The following CSMD1 variants were observed in gnomAD, a reference collection of about 807,000 sequenced individuals.
CSMD1 encodes the protein CUB and sushi domain-containing protein 1.
CSMD1 carries 213 observed loss-of-function variants against 417.5 expected under a neutral mutation model. That is an observed-to-expected ratio of 0.51 (90% CI 0.46 to 0.57). The LOEUF (loss-of-function observed/expected upper bound fraction) is 0.57. Ranked by LOEUF, CSMD1 falls within the 20% of genes least tolerant of loss-of-function variation. The pLI is 0.00. For missense variants in CSMD1, 6,923 were observed against 4,529.7 expected (o/e 1.53, Z -15.17); for synonymous variants, 2,862 against 1,736.8 (o/e 1.65, Z -16.11).
chr8:4,757,640 A>G (rs1446961009), intron 1 of CSMD1, among the ~76,000 whole-genome samples: 1 of 152,168 alleles, frequency 6.6e-6, no homozygotes, highest in African/African-American at 2.4e-5. Flanking sequence ...AGCTTTTATG[A>G]ATAACACATC....
intron 4 of CSMD1, among the ~76,000 whole-genome samples, chr8:4,009,189 T>A (rs1030937227): frequency 1.3e-5 from 2 of 152,184 alleles, no homozygotes; most frequent in Non-Finnish European, 2.9e-5. Flanking sequence ...TTTCTGTAGG[T>A]TGGGAAAATA....
chr8:4,296,651 T>C (rs1486158049), intron 3 of CSMD1, among the ~76,000 whole-genome samples: 2 of 151,416 alleles, frequency 1.3e-5, no homozygotes, highest in Admixed American at 1.3e-4. Context: ...TTAACTCGTA[T>C]GTGGAGGTCC....
intron 3 of CSMD1, among the ~76,000 whole-genome samples, chr8:4,033,298 C>T (rs539646704): frequency 1.2e-4 from 18 of 151,928 alleles, no homozygotes; most frequent in East Asian, 5.8e-4. Flanking sequence ...AAAAATTAGC[C>T]GGGCGTGGTG....
chr8:3,503,100 C>A (rs1008520122), intron 10 of CSMD1, among the ~76,000 whole-genome samples: 3 of 152,282 alleles, frequency 2.0e-5, no homozygotes, highest in African/African-American at 7.2e-5. Context: ...GCTTTTATAT[C>A]TGTATGCAAC....
At chr8:4,882,897 T>C (rs1316151223) in intron 1 of CSMD1, among the ~76,000 whole-genome samples, 1 of 152,064 alleles carries the variant, frequency 6.6e-6, no homozygotes, top group Non-Finnish European at 1.5e-5. Context: ...GAGCAAGTCC[T>C]AGATTTCTTC....
At chr8:4,988,889 C>T (rs1242044035) in intron 1 of CSMD1, among the ~76,000 whole-genome samples, 1 of 152,020 alleles carries the variant, frequency 6.6e-6, no homozygotes, top group South Asian at 2.1e-4. Flanking sequence ...TTTCAGCTGG[C>T]TCAATTATAC....
chr8:3,182,474 C>A (rs1006482291), intron 36 of CSMD1, among the ~76,000 whole-genome samples: 2 of 152,110 alleles, frequency 1.3e-5, no homozygotes, highest in Non-Finnish European at 2.9e-5. Context: ...CTCGGCCTCC[C>A]AAAGTCCTGG....
intron 1 of CSMD1, among the ~76,000 whole-genome samples, chr8:4,939,949 T>TA (rs1473306596): frequency 2.0e-5 from 3 of 152,110 alleles, no homozygotes; most frequent in Admixed American, 1.3e-4. Flanking sequence ...AATATAAATT[T>TA]AAAAAAAGAT....
intron 2 of CSMD1, among the ~76,000 whole-genome samples, chr8:4,428,591 C>G (rs1198459964): frequency 6.6e-6 from 1 of 152,048 alleles, no homozygotes; most frequent in South Asian, 2.1e-4. Flanking sequence ...ATGACACTTT[C>G]AGTAATACTA....
intron 2 of CSMD1, among the ~76,000 whole-genome samples, chr8:4,636,164 T>C (rs1802801263): frequency 6.6e-6 from 1 of 152,122 alleles, no homozygotes; most frequent in African/African-American, 2.4e-5. Context: ...TGTGTATTAC[T>C]GTTGGCATTA....
intron 2 of CSMD1, among the ~76,000 whole-genome samples, chr8:4,520,408 C>T (rs1329308395): frequency 2.0e-5 from 3 of 152,076 alleles, no homozygotes; most frequent in Non-Finnish European, 2.9e-5. Context: ...TAGCTGGTAG[C>T]AAAATCATGT....
At chr8:3,989,082 C>G (rs1025521139) in intron 5 of CSMD1, among the ~76,000 whole-genome samples, 3 of 152,148 alleles carry the variant, frequency 2.0e-5, no homozygotes, top group African/African-American at 7.2e-5. Flanking sequence ...CTCTATGGCA[C>G]TGTTTCTTAC....
At chr8:3,580,809 G>C (rs1800350224) in intron 9 of CSMD1, among the ~76,000 whole-genome samples, 1 of 152,074 alleles carries the variant, frequency 6.6e-6, no homozygotes, top group Non-Finnish European at 1.5e-5. Context: ...TCATCTTTCG[G>C]GGTAAATGAT....
At chr8:4,833,848 G>A (rs1263345545) in intron 1 of CSMD1, among the ~76,000 whole-genome samples, 1 of 152,194 alleles carries the variant, frequency 6.6e-6, no homozygotes. Flanking sequence ...GGCTACGTTG[G>A]CTAGCTCTGT....
intron 57 of CSMD1, among the ~76,000 whole-genome samples, chr8:2,971,898 A>C (rs1222250361): frequency 6.6e-6 from 1 of 152,148 alleles, no homozygotes; most frequent in Non-Finnish European, 1.5e-5. Context: ...TACTACTTTG[A>C]TTGTCAAGAG....
At chr8:4,601,107 C>T (rs185627342) in intron 2 of CSMD1, among the ~76,000 whole-genome samples, 1 of 152,108 alleles carries the variant, frequency 6.6e-6, no homozygotes, top group South Asian at 2.1e-4. Flanking sequence ...CAGGCATGCG[C>T]CACCACGCCT....
At chr8:3,843,054 A>T (rs1297347320) in intron 5 of CSMD1, among the ~76,000 whole-genome samples, 1 of 152,150 alleles carries the variant, frequency 6.6e-6, no homozygotes, top group African/African-American at 2.4e-5. Context: ...CACATGATAA[A>T]TGTTGTAATG....
chr8:4,759,086 C>T (rs1811859402), intron 1 of CSMD1, among the ~76,000 whole-genome samples: 1 of 152,180 alleles, frequency 6.6e-6, no homozygotes, highest in Admixed American at 6.5e-5. Flanking sequence ...GGAGCAATAT[C>T]TGTTAAAGAG....
At chr8:4,310,596 A>G (rs1798506423) in intron 3 of CSMD1, among the ~76,000 whole-genome samples, 1 of 152,200 alleles carries the variant, frequency 6.6e-6, no homozygotes, top group African/African-American at 2.4e-5. Context: ...ATAGCTCTCG[A>G]TGATGTTAAA....
Sources: gnomAD v4.1 joint callset for allele counts (sites outside exome capture counted in the v4.1 genomes callset) on GRCh38, gnomAD v4.1.1 for gene constraint, MANE v1.5 for transcripts, NCBI Gene and HGNC (gene_info 2026-07-23, HGNC 2026-07-21) for gene names.